The following TXNDC16 variants were observed in gnomAD, a reference collection of about 807,000 sequenced individuals.
The protein encoded by TXNDC16 is thioredoxin domain-containing protein 16.
TXNDC16 carries 74 observed loss-of-function variants against 85.6 expected under a neutral mutation model. That is an observed-to-expected ratio of 0.86 (90% CI 0.72 to 1.05). The LOEUF (loss-of-function observed/expected upper bound fraction) is 1.05. Ranked by LOEUF, TXNDC16 falls within the 50% of genes least tolerant of loss-of-function variation. The pLI is 0.00. For missense variants in TXNDC16, 959 were observed against 947.0 expected, an observed-to-expected ratio of 1.01 and a Z score of -0.17; for synonymous variants, 335 against 326.5, an observed-to-expected ratio of 1.03 and a Z score of -0.28.
chr14:52,432,865 A>G (rs1358758299), intron 20 of TXNDC16, among the ~76,000 whole-genome samples: 1 of 152,192 alleles, frequency 6.6e-6, no homozygotes, highest in Non-Finnish European at 1.5e-5. Context: ...CATAATCTCA[A>G]TGCCGATTAA....
chr14:52,474,297 G>C (rs947007408), intron 14 of TXNDC16, among the ~76,000 whole-genome samples: 1 of 152,188 alleles, frequency 6.6e-6, no homozygotes, highest in Admixed American at 6.5e-5. Context: ...ACTTCATTAT[G>C]ATTTATATTT....
intron 9 of TXNDC16, among the ~76,000 whole-genome samples, chr14:52,501,215 T>G (rs898530015): frequency 2.0e-5 from 3 of 152,160 alleles, no homozygotes; most frequent in African/African-American, 4.8e-5. Flanking sequence ...TAAGACATAG[T>G]TGTGTTATAT....
At chr14:52,451,332 T>C (rs2035407352) in intron 18 of TXNDC16, among the ~76,000 whole-genome samples, 1 of 150,450 alleles carries the variant, frequency 6.6e-6, no homozygotes, top group African/African-American at 2.4e-5. Context: ...AAAGGAGTAA[T>C]TCCAAACTCA....
At chr14:52,502,985 A>C (rs1388371512) in intron 9 of TXNDC16, among the ~76,000 whole-genome samples, 3 of 152,196 alleles carry the variant, frequency 2.0e-5, no homozygotes, top group Non-Finnish European at 4.4e-5. Flanking sequence ...CATTGCTAGC[A>C]CAGCAGTCTG....
At position 52,443,739 on chromosome 14, in the gene TXNDC16, G is replaced by C. The variant is rs2035216921; in HGVS notation, c.1843-3015C>G. Among the ~76,000 whole-genome samples the C allele has an allele frequency of 2.0e-5, 3 of 152,202 alleles. No homozygotes were observed. The South Asian group carries it at 6.2e-4, about 32-fold the overall frequency. Reference sequence around the variant, plus strand: ...GAATACTGAGAAGATTTCTGTATCAGATTGGTGACACAGTTAGGCCTGTTT... The same window carrying C: ...GAATACTGAGAAGATTTCTGTATCACATTGGTGACACAGTTAGGCCTGTTT... On this transcript the variant is annotated intron_variant, in intron 18 of 20. Coordinates refer to ENST00000281741, the MANE Select transcript of TXNDC16 (RefSeq NM_020784.3).
At chr14:52,495,968 G>T (rs1238926233) in intron 9 of TXNDC16, among the ~76,000 whole-genome samples, 2 of 151,834 alleles carry the variant, frequency 1.3e-5, no homozygotes. Context: ...GACCATCCTG[G>T]CTAACATGGT....
Position 52,439,375 on chromosome 14 carries a change from T to TC in TXNDC16, c.2022dup (p.Arg675GlufsTer9). The TC allele has an allele frequency of 1.2e-6, 2 of 1,613,540 alleles. No individual in the cohort carries two copies. Among genetic ancestry groups the TC allele is most frequent in the Non-Finnish European group, 1.7e-6 (2 of 1,179,726 alleles). On this transcript the variant is annotated frameshift_variant, in exon 20 of 21. Transcript: ENST00000281741. LOFTEE classifies it high-confidence loss of function. Reference sequence around the variant, plus strand: ...TCAAAATATGCCCTCAAGATTCCTCTCCCCACTGGAGTATTCTTTCTGCAA... The same window carrying TC: ...TCAAAATATGCCCTCAAGATTCCTCTCCCCCACTGGAGTATTCTTTCTGCAA...
intron 9 of TXNDC16, among the ~76,000 whole-genome samples, chr14:52,495,054 G>T (rs78050601): frequency 0.084 from 12,776 of 152,242 alleles, 597 homozygotes; most frequent in East Asian, 0.14. Flanking sequence ...AAACAAATGA[G>T]ATCACTTGAG....
Position 52,507,759 on chromosome 14 carries a change from G to A in TXNDC16, c.756+3481C>T, listed in dbSNP as rs145383933. Among the ~76,000 whole-genome samples, 639 of 152,202 alleles carry A rather than the reference G, an allele frequency of 4.2e-3. 3 individuals carry two copies. Among genetic ancestry groups the A allele is most frequent in the Middle Eastern group, 0.02 (6 of 294 alleles). On this transcript the variant is annotated intron_variant, in intron 9 of 20. Transcript: ENST00000281741. Reference sequence around the variant, plus strand: ...GAACAGAGCCCTCAGAAATAATGCCGCATATCTATAAGTATCTGATCTTTG... The same window carrying A: ...GAACAGAGCCCTCAGAAATAATGCCACATATCTATAAGTATCTGATCTTTG...
At chr14:52,520,203 C>CAGAA (rs1256967523) in intron 6 of TXNDC16, among the ~76,000 whole-genome samples, 5 of 152,210 alleles carry the variant, frequency 3.3e-5, no homozygotes, top group Non-Finnish European at 5.9e-5. Context: ...GGACAGAATA[C>CAGAA]AGAACAGGTG....
intron 9 of TXNDC16, among the ~76,000 whole-genome samples, chr14:52,496,159 C>CAAAA (rs777475456): frequency 8.3e-5 from 9 of 108,454 alleles, no homozygotes; most frequent in Non-Finnish European, 1.8e-4. Context: ...GACTCCATCT[C>CAAAA]AAAAAAAAAA....
intron 6 of TXNDC16, among the ~76,000 whole-genome samples, chr14:52,521,263 C>T (rs1460861622): frequency 6.7e-6 from 1 of 149,988 alleles, no homozygotes; most frequent in Non-Finnish European, 1.5e-5. Flanking sequence ...CAGGCGTGCA[C>T]CCCCACGCCT....
intron 9 of TXNDC16, among the ~76,000 whole-genome samples, chr14:52,499,516 T>C (rs547195265): frequency 5.9e-5 from 9 of 151,414 alleles, no homozygotes; most frequent in African/African-American, 1.5e-4. Flanking sequence ...TGGCCAAGCA[T>C]ATGAGACGAT....
At position 52,500,549 on chromosome 14, in the gene TXNDC16, C is replaced by T. The variant is rs369457245; in HGVS notation, c.757-9544G>A. The stretch of plus-strand genomic sequence containing the variant: ...CAGAGACCTGCTGTACAACAACGTA[C>T]ATCAGCTAATACTGTATTATACACT... On this transcript the variant is annotated intron_variant, in intron 9 of 20. Transcript: ENST00000281741. 5.3e-5 allele frequency among the ~76,000 whole-genome samples: 8 copies of T among 152,288 alleles called. 1 individual carries two copies. The highest frequency in any genetic ancestry group is 1.9e-4 in the African/African-American group (8 of 41,560).
chr14:52,471,728 C>T (rs2035911997), intron 14 of TXNDC16, among the ~76,000 whole-genome samples: 1 of 151,836 alleles, frequency 6.6e-6, no homozygotes, highest in African/African-American at 2.4e-5. Context: ...GAAACTCATC[C>T]AGGACTTCAG....
In TXNDC16 at chr14:52,496,528, TTC is replaced by T. The variant is rs1319199159; in HGVS notation, c.757-5525_757-5524del. 4.6e-5 allele frequency among the ~76,000 whole-genome samples: 7 copies of T among 152,104 alleles called. No individual in the cohort carries two copies. In the South Asian group the frequency reaches 1.5e-3, roughly 32 times the overall value. ...AAGTACATATATCATTTTGTGCTAT[TTC>T]TGTCTCTTACCATACAAGTTGGTAT... On this transcript the variant is annotated intron_variant, in intron 9 of 20. Coordinates refer to ENST00000281741, the MANE Select transcript of TXNDC16 (RefSeq NM_020784.3).
rs927063767 is a variant in TXNDC16, at chr14:52,509,169, CA to C, written c.756+2070del. On this transcript the variant is annotated intron_variant, in intron 9 of 20. Transcript: ENST00000281741. ...AACAAAAAAGAGTTTTGAAATACAGCAAAAAAAAAATTCATGAGCAGAAACT... is the reference window on the plus strand; with the variant it reads ...AACAAAAAAGAGTTTTGAAATACAGCAAAAAAAAATTCATGAGCAGAAACT... Among the ~76,000 whole-genome samples, 7 of 148,202 alleles carry C rather than the reference CA, an allele frequency of 4.7e-5. No homozygotes were observed. In the East Asian group the frequency reaches 5.9e-4, roughly 12 times the overall value.
At chr14:52,549,277 T>C (rs1379950214) in intron 1 of TXNDC16, among the ~76,000 whole-genome samples, 1 of 152,162 alleles carries the variant, frequency 6.6e-6, no homozygotes, top group East Asian at 1.9e-4. Context: ...TTTGCACAGC[T>C]CATTTAAATA....
chr14:52,488,832 A>AAAAAAAAAAC lies in TXNDC16; in HGVS notation c.985-347_985-346insGTTTTTTTTT, dbSNP rs1491500413. 5.7e-5 allele frequency among the ~76,000 whole-genome samples: 4 copies of AAAAAAAAAAC among 69,808 alleles called. 1 individual carries two copies. The highest frequency in any genetic ancestry group is 2.0e-4 in the African/African-American group (3 of 14,868). The allele number at this position is 69,808 out of a possible 152,430, so 45.8% of individuals were successfully genotyped here. On this transcript the variant is annotated intron_variant, in intron 11 of 20. Coordinates refer to ENST00000281741, the MANE Select transcript of TXNDC16 (RefSeq NM_020784.3). Reference sequence around the variant, plus strand: ...CTGGGCGACAAGGCGAGACTCTGGGAAAAAAAAAAAAAAAAAACAAGTTTT... The same window carrying AAAAAAAAAAC: ...CTGGGCGACAAGGCGAGACTCTGGGAAAAAAAAAACAAAAAAAAAAAAAAAAACAAGTTTT...
Sources: allele counts gnomAD v4.1 joint callset (sites outside exome capture counted in the v4.1 genomes callset), GRCh38; gene constraint gnomAD v4.1.1; transcripts MANE v1.5; gene names NCBI Gene and HGNC (gene_info 2026-07-23, HGNC 2026-07-21).